Variants in LPP observed in about 807,000 individuals in gnomAD.
The protein encoded by LPP is lipoma-preferred partner.
A neutral mutation model predicts 60.4 loss-of-function variants in LPP; 38 were observed. The observed-to-expected ratio is 0.63, with a 90% CI of 0.49 to 0.83. The LOEUF (loss-of-function observed/expected upper bound fraction) is 0.83. Ranked by LOEUF, LPP falls within the 40% of genes least tolerant of loss-of-function variation. LPP has a pLI of 0.00. For synonymous variants in LPP, 328 were observed against 290.8 expected, an observed-to-expected ratio of 1.13 and a Z score of -1.30; for missense variants, 902 against 783.6, an observed-to-expected ratio of 1.15 and a Z score of -1.80.
At chr3:188,241,138 A>G (rs992065661) in intron 2 of LPP, among the ~76,000 whole-genome samples, 1 of 152,212 alleles carries the variant, frequency 6.6e-6, no homozygotes, top group Admixed American at 6.5e-5. Context: ...AAGAATGATA[A>G]GTGGTCATGG....
At chr3:188,231,338 G>C (rs1234324845) in intron 2 of LPP, among the ~76,000 whole-genome samples, 1 of 152,230 alleles carries the variant, frequency 6.6e-6, no homozygotes, top group Non-Finnish European at 1.5e-5. Flanking sequence ...GCCTGAAGCA[G>C]TTGAATAAAC....
At chr3:188,354,284 CTTG>C (rs1254334296) in intron 3 of LPP, among the ~76,000 whole-genome samples, 8 of 152,036 alleles carry the variant, frequency 5.3e-5, no homozygotes, top group Admixed American at 3.9e-4. Flanking sequence ...AATGTAACAT[CTTG>C]TTAAATACAG....
At chr3:188,754,319 GCAAACTTTT>G (rs1729433260) in intron 8 of LPP, among the ~76,000 whole-genome samples, 1 of 152,130 alleles carries the variant, frequency 6.6e-6, no homozygotes, top group Admixed American at 6.6e-5. Flanking sequence ...GAAAGCCATT[GCAAACTTTT>G]CAAACTAAAA....
At chr3:188,852,690 A>C (rs1404126618) in intron 9 of LPP, among the ~76,000 whole-genome samples, 3 of 152,190 alleles carry the variant, frequency 2.0e-5, no homozygotes, top group Non-Finnish European at 4.4e-5. Flanking sequence ...ATGATCTTGG[A>C]CTTCCCACCC....
chr3:188,300,523 G>A (rs1466847556), intron 2 of LPP, among the ~76,000 whole-genome samples: 3 of 137,188 alleles, frequency 2.2e-5, no homozygotes, highest in Non-Finnish European at 4.6e-5. Flanking sequence ...AAATTAATAT[G>A]TATTGAATTG....
At chr3:188,592,557 G>GTTTTTTTGTTTTTTTTTTTTTT (rs1553936333) in intron 6 of LPP, among the ~76,000 whole-genome samples, 4 of 85,752 alleles carry the variant, frequency 4.7e-5, no homozygotes, top group Admixed American at 2.6e-4. Flanking sequence ...TTTTGTTTTT[G>GTTTTTTTGTTTTTTTTTTTTTT]TTTTTTAAAT....
At chr3:188,669,083 A>G (rs1010408476) in intron 7 of LPP, among the ~76,000 whole-genome samples, 7 of 152,180 alleles carry the variant, frequency 4.6e-5, no homozygotes, top group Admixed American at 1.3e-4. Context: ...GCATGTGAAC[A>G]TATGATTTTC....
At chr3:188,560,328 T>C (rs1473781795) in intron 6 of LPP, among the ~76,000 whole-genome samples, 1 of 152,098 alleles carries the variant, frequency 6.6e-6, no homozygotes, top group Admixed American at 6.6e-5. Context: ...TGGTCTGCAG[T>C]CATCACTTGG....
rs189798735 is a variant in LPP, at chr3:188,637,042, G to A, written c.1113+27198G>A. 6.0e-5 allele frequency among the ~76,000 whole-genome samples: 9 copies of A among 149,412 alleles called. 1 individual carries two copies. Among genetic ancestry groups the A allele is most frequent in the Admixed American group, 3.3e-4 (5 of 15,100 alleles). ...TAGACATCTGCAGAACTCTCCACCC[G>A]AAATCAACAGAATATACATTTTTTT... On this transcript the variant is annotated intron_variant, in intron 7 of 11. Coordinates refer to ENST00000617246, the MANE Select transcript of LPP (RefSeq NM_001375462.1).
intron 4 of LPP, among the ~76,000 whole-genome samples, chr3:188,476,825 T>G (rs1326248386): frequency 2.6e-5 from 4 of 152,194 alleles, no homozygotes; most frequent in Non-Finnish European, 1.5e-5. Context: ...TCGGTCAAGG[T>G]CACATATCTT....
intron 1 of LPP, among the ~76,000 whole-genome samples, chr3:188,167,110 C>G (rs775273055): frequency 3.9e-5 from 6 of 152,210 alleles, no homozygotes; most frequent in Admixed American, 6.5e-5. Flanking sequence ...CCTCTCTGAA[C>G]TTCCAATTCC....
At chr3:188,743,272 G>T (rs1204795668) in intron 8 of LPP, among the ~76,000 whole-genome samples, 1 of 152,078 alleles carries the variant, frequency 6.6e-6, no homozygotes, top group East Asian at 1.9e-4. Context: ...AGATCATACA[G>T]TAGGAGCAGA....
chr3:188,521,361 TG>T (rs972064156), intron 5 of LPP, among the ~76,000 whole-genome samples: 2 of 152,162 alleles, frequency 1.3e-5, no homozygotes, highest in Non-Finnish European at 1.5e-5. Context: ...AAGCACAGAC[TG>T]GTTGCATATC....
intron 8 of LPP, among the ~76,000 whole-genome samples, chr3:188,736,620 A>G (rs902475042): frequency 6.6e-6 from 1 of 152,100 alleles, no homozygotes; most frequent in Non-Finnish European, 1.5e-5. Context: ...AATGTCTCAT[A>G]TCTGTCAATC....
chr3:188,163,264 T>C (rs908153202), intron 1 of LPP, among the ~76,000 whole-genome samples: 1 of 152,174 alleles, frequency 6.6e-6, no homozygotes, highest in African/African-American at 2.4e-5. Context: ...CCAGGTCTTC[T>C]TCAGAAACTT....
chr3:188,348,914 C>A (rs1240541484), intron 3 of LPP, among the ~76,000 whole-genome samples: 1 of 152,166 alleles, frequency 6.6e-6, no homozygotes, highest in Non-Finnish European at 1.5e-5. Flanking sequence ...TGAAGTCACT[C>A]CTTGGGAATA....
chr3:188,685,514 A>C (rs1272757488), intron 7 of LPP, among the ~76,000 whole-genome samples: 2 of 152,162 alleles, frequency 1.3e-5, no homozygotes, highest in Non-Finnish European at 2.9e-5. Context: ...CATGCCAAAG[A>C]GTCTGTATAC....
chr3:188,183,779 C>T (rs1725789923), intron 1 of LPP, among the ~76,000 whole-genome samples: 1 of 152,050 alleles, frequency 6.6e-6, no homozygotes, highest in East Asian at 1.9e-4. Context: ...GTTTTATGGC[C>T]TCCCATAAGT....
intron 5 of LPP, among the ~76,000 whole-genome samples, chr3:188,514,503 C>G (rs1024745876): frequency 3.3e-5 from 5 of 151,468 alleles, no homozygotes; most frequent in Non-Finnish European, 5.9e-5. Context: ...GTGGTAAGAT[C>G]TTGGCTCACT....
Sources: allele counts gnomAD v4.1 joint callset (sites outside exome capture counted in the v4.1 genomes callset), GRCh38; gene constraint gnomAD v4.1.1; transcripts MANE v1.5; gene names NCBI Gene and HGNC (gene_info 2026-07-23, HGNC 2026-07-21).